Variants in NAV2 observed in about 807,000 individuals in gnomAD.
NAV2 encodes neuron navigator 2, also known as helicase, APC down-regulated 1.
In NAV2, 54 loss-of-function variants were observed where a neutral mutation model predicts 223.2. That is an observed-to-expected ratio of 0.24 (90% CI 0.19 to 0.30). NAV2 has a LOEUF of 0.30. Among genes scored for constraint, NAV2 ranks in the 10% least tolerant of loss-of-function variants. NAV2 has a pLI of 1.00. For synonymous variants in NAV2, 1,279 were observed against 1,239.3 expected (o/e 1.03, Z -0.67); for missense variants, 2,806 against 3,147.5 (o/e 0.89, Z 2.60).
At chr11:19,643,138 C>T (rs2047712350) in intron 1 of NAV2, among the ~76,000 whole-genome samples, 1 of 152,090 alleles carries the variant, frequency 6.6e-6, no homozygotes, top group Non-Finnish European at 1.5e-5. Context: ...ATACATGCCA[C>T]AGGATGGATG....
At chr11:19,406,370 T>C (rs1330322116) in intron 1 of NAV2, among the ~76,000 whole-genome samples, 2 of 152,132 alleles carry the variant, frequency 1.3e-5, no homozygotes, top group Non-Finnish European at 2.9e-5. Context: ...ACAATACGAA[T>C]GGGGAAGCAC....
intron 1 of NAV2, among the ~76,000 whole-genome samples, chr11:19,787,865 T>A (rs1590530049): frequency 6.6e-6 from 1 of 152,264 alleles, no homozygotes; most frequent in South Asian, 2.1e-4. Context: ...CTTGATTTTA[T>A]GAAATTTCTT....
In NAV2 at chr11:20,043,813, A is replaced by C. The variant is rs79357836; in HGVS notation, c.2908-168A>C. 1.4e-5 allele frequency: 8 copies of C among 588,728 alleles called. No individual in the cohort carries two copies. The South Asian group carries it at 1.8e-4, about 14-fold the overall frequency. 36.5% of individuals were successfully genotyped at this position (588,728 alleles called of 1,614,324 possible). A position where few individuals can be genotyped will look rare whatever the true frequency, so the allele number is the denominator to read the frequency against. On this transcript the variant is annotated intron_variant, in intron 12 of 37. Transcript: ENST00000349880. ...TTTATTTTTTTTTCCAAAAAAAAAA[A>C]ATCAGTCTTTCTAACAAGATAACCA... is the stretch of plus-strand genomic sequence containing the variant.
intron 1 of NAV2, among the ~76,000 whole-genome samples, chr11:19,598,131 G>A (rs2046255677): frequency 6.6e-6 from 1 of 152,234 alleles, no homozygotes; most frequent in African/African-American, 2.4e-5. Flanking sequence ...CCAGATGGAA[G>A]AGCGGCTTTT....
At chr11:19,860,362 C>T (rs1198646080) in intron 3 of NAV2, among the ~76,000 whole-genome samples, 1 of 146,420 alleles carries the variant, frequency 6.8e-6, no homozygotes, top group African/African-American at 2.6e-5. Flanking sequence ...GACGGGGCGG[C>T]CGGGCAGAGA....
intron 1 of NAV2, among the ~76,000 whole-genome samples, chr11:19,440,497 G>T (rs2133691272): frequency 6.6e-6 from 1 of 152,292 alleles, no homozygotes; most frequent in African/African-American, 2.4e-5. Context: ...TGAGAACGGG[G>T]TAAGGAGAGG....
chr11:19,963,336 G>A (rs942972580), intron 10 of NAV2, among the ~76,000 whole-genome samples: 2 of 152,232 alleles, frequency 1.3e-5, no homozygotes, highest in Non-Finnish European at 2.9e-5. Context: ...ACAGTAACTG[G>A]TGGAAGCAAG....
chr11:19,795,639 G>A (rs1429731273), intron 1 of NAV2, among the ~76,000 whole-genome samples: 8 of 152,226 alleles, frequency 5.3e-5, no homozygotes, highest in Non-Finnish European at 8.8e-5. Context: ...TGATCAGAGA[G>A]AAAGGAAGAC....
chr11:19,482,448 T>A (rs2042309353), intron 1 of NAV2, among the ~76,000 whole-genome samples: 1 of 152,152 alleles, frequency 6.6e-6, no homozygotes, highest in Non-Finnish European at 1.5e-5. Flanking sequence ...TTGTTGCCTG[T>A]GGAACTGGAA....
chr11:19,669,420 C>T (rs751691454), intron 1 of NAV2, among the ~76,000 whole-genome samples: 1 of 152,250 alleles, frequency 6.6e-6, no homozygotes, highest in Non-Finnish European at 1.5e-5. Context: ...AAGTGACTTA[C>T]CCTCTCTGTG....
intron 3 of NAV2, 72 bp downstream of exon 3, chr11:19,842,995 T>C (rs2060590282): frequency 1.6e-6 from 2 of 1,269,282 alleles, no homozygotes; most frequent in African/African-American, 2.9e-5. Context: ...ATTGACCATC[T>C]TGAAAACATT....
chr11:19,765,696 T>G (rs2055169125), intron 1 of NAV2, among the ~76,000 whole-genome samples: 1 of 152,146 alleles, frequency 6.6e-6, no homozygotes, highest in African/African-American at 2.4e-5. Context: ...GCTGGCTGTT[T>G]GGGGGCACAC....
chr11:20,092,162 AT>A (rs2060898217), intron 27 of NAV2, 43 bp from the exon 28 acceptor site: 1 of 1,587,638 alleles, frequency 6.3e-7, no homozygotes, highest in African/African-American at 1.3e-5. Context: ...TCTTGTTCAC[AT>A]TACTTCTGCC....
intron 1 of NAV2, among the ~76,000 whole-genome samples, chr11:19,513,549 C>T (rs1429313211): frequency 2.0e-5 from 3 of 152,142 alleles, no homozygotes; most frequent in Non-Finnish European, 2.9e-5. Context: ...GGCCCTGTCC[C>T]CATGAAGCAC....
intron 1 of NAV2, among the ~76,000 whole-genome samples, chr11:19,662,108 T>C (rs1262552467): frequency 6.6e-6 from 1 of 152,208 alleles, no homozygotes; most frequent in Non-Finnish European, 1.5e-5. Context: ...AATTATAGCA[T>C]CACTTAAATT....
At chr11:19,528,116 A>G (rs2043902728) in intron 1 of NAV2, among the ~76,000 whole-genome samples, 1 of 152,166 alleles carries the variant, frequency 6.6e-6, no homozygotes, top group South Asian at 2.1e-4. Context: ...TAATTTTTGT[A>G]TCGAGGAAAC....
At chr11:19,967,122 G>T (rs2048833155) in intron 10 of NAV2, among the ~76,000 whole-genome samples, 1 of 152,166 alleles carries the variant, frequency 6.6e-6, no homozygotes, top group Non-Finnish European at 1.5e-5. Flanking sequence ...GAGGATGACA[G>T]AAGTCCCTTG....
chr11:19,979,872 C>T (rs1174149172), intron 10 of NAV2, among the ~76,000 whole-genome samples: 1 of 152,206 alleles, frequency 6.6e-6, no homozygotes, highest in Non-Finnish European at 1.5e-5. Context: ...TTTGAACTCA[C>T]CTGCCTGCGC....
Position 20,074,760 on chromosome 11 carries a change from C to CCTTTTTTTTTTTTTTTTTTTTT in NAV2, c.4984-2792_4984-2791insCTTTTTTTTTTTTTTTTTTTTT, listed in dbSNP as rs56895607. On this transcript the variant is annotated intron_variant, in intron 22 of 37. Transcript: ENST00000349880. ...ATTGGAGACTAGGATTGCAACTCTG[C>CCTTTTTTTTTTTTTTTTTTTTT]TTTTTTTTTTTTTTTTGCTTTCCAT... Among the ~76,000 whole-genome samples, 332 of 110,206 alleles carry CCTTTTTTTTTTTTTTTTTTTTT rather than the reference C, an allele frequency of 3.0e-3. 33 individuals are homozygous for CCTTTTTTTTTTTTTTTTTTTTT. The highest frequency in any genetic ancestry group is 3.9e-3 in the African/African-American group (102 of 26,002). The allele number at this position is 110,206 out of a possible 152,430, so 72.3% of individuals were successfully genotyped here.
Sources: allele counts gnomAD v4.1 joint callset (sites outside exome capture counted in the v4.1 genomes callset), GRCh38; gene constraint gnomAD v4.1.1; transcripts MANE v1.5; gene names NCBI Gene and HGNC (gene_info 2026-07-23, HGNC 2026-07-21).